The following CENPF variants were observed in gnomAD, a reference collection of about 807,000 sequenced individuals.
CENPF encodes centromere protein F, also known as AH antigen.
In CENPF, 214 loss-of-function variants were observed where a neutral mutation model predicts 307.3. That is an observed-to-expected ratio of 0.70 (90% CI 0.62 to 0.78). The LOEUF (loss-of-function observed/expected upper bound fraction) is 0.78. Among genes scored for constraint, CENPF ranks in the 30% least tolerant of loss-of-function variants. CENPF has a pLI of 0.00. For missense variants in CENPF, 3,401 were observed against 3,483.9 expected (o/e 0.98, Z 0.60); for synonymous variants, 1,259 against 1,270.6 (o/e 0.99, Z 0.19).
chr1:214,608,946 G>A (rs1657120604), intron 1 of CENPF: 8 of 1,122,134 alleles, frequency 7.1e-6, no homozygotes, highest in Non-Finnish European at 9.3e-6. Flanking sequence ...GCGGGCAGGG[G>A]GGAGGGCGCC....
chr1:214,608,637 C>T (rs1158160221), intron 1 of CENPF: 4 of 1,604,326 alleles, frequency 2.5e-6, no homozygotes, highest in Non-Finnish European at 3.4e-6. Flanking sequence ...CCGTCAGGTG[C>T]AGCTTCCAGC....
chr1:214,637,823 G>T, intron 10 of CENPF, 43 bp from the exon 11 acceptor site: 2 of 1,582,416 alleles, frequency 1.3e-6, no homozygotes, highest in South Asian at 1.2e-5. Context: ...TAACTTACTT[G>T]AGCATTCGTT....
intron 1 of CENPF, among the ~76,000 whole-genome samples, chr1:214,611,671 A>G (rs1166813127): frequency 2.6e-5 from 4 of 152,136 alleles, no homozygotes; most frequent in Non-Finnish European, 5.9e-5. Context: ...CAGCCTTCTA[A>G]TTCTTATTGT....
chr1:214,642,353 G>T lies in CENPF; in HGVS notation c.4015G>T (p.Val1339Leu), dbSNP rs748751119. 3 of 1,613,474 alleles carry T rather than the reference G, an allele frequency of 1.9e-6. No homozygotes were observed. Among genetic ancestry groups the T allele is most frequent in the East Asian group, 4.5e-5 (2 of 44,876 alleles). Reference sequence around the variant, plus strand: ...AGCAACTAGGAAAATGGCAGAAGAGGTAGGGAAACTACTAAATGAAGTTAA... The same window carrying T: ...AGCAACTAGGAAAATGGCAGAAGAGTTAGGGAAACTACTAAATGAAGTTAA... ...ITATRKMAEEVGKLLNEVKIL... is the reference protein window; with the variant it reads ...ITATRKMAEELGKLLNEVKIL... The change falls in exon 12 of 20, where the codon GTA becomes TTA. Residue 1339 changes from valine to leucine, a missense_variant. Physicochemically the swap from Val to Leu is conservative, Grantham distance 32. Coordinates refer to ENST00000366955, the MANE Select transcript of CENPF (RefSeq NM_016343.4).
At chr1:214,662,351 C>T (rs909584738) in intron 19 of CENPF, among the ~76,000 whole-genome samples, 2 of 152,056 alleles carry the variant, frequency 1.3e-5, no homozygotes, top group Admixed American at 6.5e-5. Context: ...TCCAAGGCTG[C>T]GTCTTTTCAG....
At chr1:214,638,299 C>T (rs2102555821) in intron 11 of CENPF, among the ~76,000 whole-genome samples, 1 of 152,206 alleles carries the variant, frequency 6.6e-6, no homozygotes, top group South Asian at 2.1e-4. Flanking sequence ...TGTCTCTCAC[C>T]CCCGAGTGCT....
intron 1 of CENPF, among the ~76,000 whole-genome samples, chr1:214,610,058 A>C (rs570850511): frequency 6.2e-4 from 85 of 137,940 alleles, no homozygotes; most frequent in African/African-American, 2.3e-3. Context: ...GGATTTTGCC[A>C]TGTTGCCCAG....
chr1:214,648,055 A>G, intron 13 of CENPF: 1 of 427,804 alleles, frequency 2.3e-6, no homozygotes, highest in Non-Finnish European at 4.7e-6. Flanking sequence ...TTAGTGATCT[A>G]GGAAAGTGAT....
At chr1:214,650,466 C>T (rs959659970) in intron 14 of CENPF, among the ~76,000 whole-genome samples, 1 of 152,032 alleles carries the variant, frequency 6.6e-6, no homozygotes, top group Non-Finnish European at 1.5e-5. Context: ...GAAGGCGGCT[C>T]AGGGCCTAGC....
chr1:214,608,891 CGCCCGGCCTG>C, intron 1 of CENPF: 1 of 1,416,428 alleles, frequency 7.1e-7, no homozygotes, highest in Admixed American at 3.2e-5. Context: ...CCAACAACGC[CGCCCGGCCTG>C]GCCCGGCAGG....
rs770920834 is a variant in CENPF at position 214,647,229 on chromosome 1, G to C, written c.7659G>C (p.Glu2553Asp). The C allele has an allele frequency of 4.3e-6, 7 of 1,613,966 alleles. No homozygotes were observed. Among genetic ancestry groups the C allele is most frequent in the Non-Finnish European group, 5.1e-6 (6 of 1,179,972 alleles). ...QVEGEHQLWK[E>D]QNLELRNLTV... ...AAGGAGAGCACCAACTTTGGAAGGA[G>C]CAAAACTTAGAACTGAGAAATCTGA... is the stretch of plus-strand genomic sequence containing the variant. Residue 2553 changes from glutamate to aspartate, a missense_variant, in exon 13 of 20, where the codon GAG becomes GAC. Transcript: ENST00000366955.
intron 10 of CENPF, among the ~76,000 whole-genome samples, chr1:214,634,699 T>C (rs1657907656): frequency 6.6e-6 from 1 of 152,256 alleles, no homozygotes; most frequent in South Asian, 2.1e-4. Context: ...CATTGTTTGC[T>C]GTCACCTACA....
intron 8 of CENPF, among the ~76,000 whole-genome samples, chr1:214,630,143 TAC>T: frequency 6.6e-6 from 1 of 152,350 alleles, no homozygotes; most frequent in East Asian, 1.9e-4. Flanking sequence ...TAAAGTGGTA[TAC>T]AGTTTTTTGT....
Position 214,642,695 on chromosome 1 carries a change from C to T in CENPF, c.4357C>T (p.Leu1453=). Reference sequence around the variant, plus strand: ...CGAAAATTTGGTCTTGTCAACGAATCTGAGAAACTTTCAAGGTGACTTGGT... The same window carrying T: ...CGAAAATTTGGTCTTGTCAACGAATTTGAGAAACTTTCAAGGTGACTTGGT... ...KAENLVLSTN[L]RNFQGDLVKE... Residue 1453 remains leucine, a synonymous_variant, in exon 12 of 20, where the codon CTG becomes TTG. Transcript: ENST00000366955. 2 of 1,614,120 alleles carry T rather than the reference C, an allele frequency of 1.2e-6. No individual in the cohort carries two copies. Among genetic ancestry groups the T allele is most frequent in the African/African-American group, 1.3e-5 (1 of 75,042 alleles).
At chr1:214,626,508 T>G (rs1657659622) in intron 7 of CENPF, among the ~76,000 whole-genome samples, 1 of 152,218 alleles carries the variant, frequency 6.6e-6, no homozygotes, top group African/African-American at 2.4e-5. Flanking sequence ...ACAATGGTGC[T>G]TCAGTGGAAC....
In CENPF at chr1:214,646,459, C is replaced by T. The variant is rs769241388; in HGVS notation, c.6889C>T (p.His2297Tyr). ...QSLDPPIEEE[H>Y]QLRNSIEKLR... ...TCTAGACCCACCAATAGAGGAAGAG[C>T]ATCAGCTGAGAAATAGCATTGAAAA... is the stretch of plus-strand genomic sequence containing the variant. The change falls in exon 13 of 20, where the codon CAT becomes TAT. Residue 2297 changes from histidine to tyrosine, a missense_variant. Coordinates refer to ENST00000366955, the MANE Select transcript of CENPF (RefSeq NM_016343.4). The T allele has an allele frequency of 1.2e-6, 2 of 1,614,064 alleles. No individual in the cohort carries two copies. Among genetic ancestry groups the T allele is most frequent in the East Asian group, 2.2e-5 (1 of 44,860 alleles).
In CENPF at chr1:214,640,823, CA is replaced by C; in HGVS notation, c.2489del (p.Asn830IlefsTer10). The C allele has an allele frequency of 6.2e-7, 1 of 1,605,936 alleles. No homozygotes were observed. Among genetic ancestry groups the C allele is most frequent in the South Asian group, 1.1e-5 (1 of 89,450 alleles). ...DQSPKNSAILQNRVDSLEFSL... is the reference protein window; with the variant it reads ...DQSPKNSAILXNRVDSLEFSL... ...AAGTCCGAAAAATTCTGCCATCCTACAAAATAGAGTTGATTCACTTGAATTT... is the reference window on the plus strand; with the variant it reads ...AAGTCCGAAAAATTCTGCCATCCTACAAATAGAGTTGATTCACTTGAATTT... On this transcript the variant is annotated frameshift_variant, in exon 12 of 20. Coordinates refer to ENST00000366955, the MANE Select transcript of CENPF (RefSeq NM_016343.4). LOFTEE classifies it high-confidence loss of function.
At position 214,642,753 on chromosome 1, in the gene CENPF, T is replaced by C. The variant is rs1206093364; in HGVS notation, c.4415T>C (p.Leu1472Pro). 1 of 1,614,046 alleles carries C rather than the reference T, an allele frequency of 6.2e-7. No individual in the cohort carries two copies. The highest frequency in any genetic ancestry group is 1.7e-5 in the Admixed American group (1 of 60,002). Residue 1472 changes from leucine to proline, a missense_variant, in exon 12 of 20, where the codon CTC becomes CCC. Coordinates refer to ENST00000366955, the MANE Select transcript of CENPF (RefSeq NM_016343.4). ...ATGCAGCTGGGCTTGGAGGAGGGGCTCGTTCCATCCCTGTCATCCTCTTGT... is the reference window on the plus strand; with the variant it reads ...ATGCAGCTGGGCTTGGAGGAGGGGCCCGTTCCATCCCTGTCATCCTCTTGT... ...KEMQLGLEEG[L>P]VPSLSSSCVP...
chr1:214,615,994 C>T (rs17736485), intron 3 of CENPF, among the ~76,000 whole-genome samples: 2 of 151,958 alleles, frequency 1.3e-5, no homozygotes, highest in African/African-American at 4.8e-5. Context: ...CTGCTAACTT[C>T]CAAATGCATT....
Sources: allele counts gnomAD v4.1 joint callset (sites outside exome capture counted in the v4.1 genomes callset), GRCh38; gene constraint gnomAD v4.1.1; transcripts MANE v1.5; gene names NCBI Gene and HGNC (gene_info 2026-07-23, HGNC 2026-07-21).